Variants in COG6 observed in about 807,000 individuals in gnomAD.
The protein encoded by COG6 is component of oligomeric golgi complex 6, also known as conserved oligomeric Golgi complex subunit 6.
Under a neutral mutation model 88.8 loss-of-function variants are expected in COG6, and 74 were observed. The ratio of observed to expected loss-of-function variants is 0.83; its 90% CI spans 0.69 to 1.01. The LOEUF is 1.01. Among genes scored for constraint, COG6 ranks in the 50% least tolerant of loss-of-function variants. COG6 has a pLI of 0.00. For synonymous variants in COG6, 286 were observed against 278.7 expected, an observed-to-expected ratio of 1.03 and a Z score of -0.26; for missense variants, 800 against 797.9, an observed-to-expected ratio of 1.00 and a Z score of -0.03.
chr13:39,770,514 G>A (rs566507326), intron 18 of COG6, among the ~76,000 whole-genome samples: 7 of 152,284 alleles, frequency 4.6e-5, no homozygotes, highest in African/African-American at 1.7e-4. Flanking sequence ...CTGAAGCCCA[G>A]GTCTTCTGTC....
intron 4 of COG6, 132 bp downstream of exon 4, chr13:39,665,286 A>G (rs1566170180): frequency 6.3e-6 from 4 of 630,820 alleles, no homozygotes; most frequent in Non-Finnish European, 1.1e-5. Context: ...AAACTATTAT[A>G]TTACCCAATA....
At chr13:39,721,848 C>T (rs1300782898) in intron 15 of COG6, among the ~76,000 whole-genome samples, 1 of 151,970 alleles carries the variant, frequency 6.6e-6, no homozygotes, top group Non-Finnish European at 1.5e-5. Context: ...GTAATCTAGT[C>T]CCTTCATCTG....
chr13:39,703,986 A>G (rs1441974461), intron 13 of COG6, among the ~76,000 whole-genome samples: 1 of 151,660 alleles, frequency 6.6e-6, no homozygotes, highest in Non-Finnish European at 1.5e-5. Flanking sequence ...CTCCTGCCTC[A>G]GCCTCCCAAA....
intron 18 of COG6, among the ~76,000 whole-genome samples, chr13:39,786,688 A>C (rs1221726879): frequency 6.6e-6 from 1 of 152,156 alleles, no homozygotes; most frequent in African/African-American, 2.4e-5. Context: ...CCACTCTGTG[A>C]TGTGAATTCT....
intron 8 of COG6, among the ~76,000 whole-genome samples, chr13:39,685,877 T>A (rs1303585379): frequency 6.9e-6 from 1 of 145,886 alleles, no homozygotes; most frequent in East Asian, 2.0e-4. Context: ...TTCTGTAGTA[T>A]GTCACCACAG....
chr13:39,679,324 A>G (rs1566176190), intron 5 of COG6: 2 of 547,420 alleles, frequency 3.7e-6, no homozygotes, highest in Non-Finnish European at 3.3e-6. Flanking sequence ...TTTGGCACAT[A>G]GTAGAAACTG....
At chr13:39,735,477 T>C (rs1290923792) in intron 18 of COG6, among the ~76,000 whole-genome samples, 1 of 152,170 alleles carries the variant, frequency 6.6e-6, no homozygotes, top group East Asian at 1.9e-4. Context: ...GAAATGTTAC[T>C]GTAGTTATTT....
At chr13:39,679,302 C>A in intron 5 of COG6, 1 of 489,124 alleles carries the variant, frequency 2.0e-6, no homozygotes, top group Non-Finnish European at 3.7e-6. Context: ...TTCCTGGCAA[C>A]TGTCAACACT....
At chr13:39,677,300 ATG>A (rs1876030110) in intron 4 of COG6, among the ~76,000 whole-genome samples, 166 bp from the exon 5 acceptor site, 1 of 152,192 alleles carries the variant, frequency 6.6e-6, no homozygotes. Flanking sequence ...TATCACCTAC[ATG>A]TCTGATAAAA....
rs528710403 is a variant in COG6 at position 39,734,613 on chromosome 13, C to T, written c.1826+7065C>T. ...ATACTCTACAAATATTGATTAGGTG[C>T]ATTTGGTCTGTAGTGCAGATTAAGT... On this transcript the variant is annotated intron_variant, in intron 18 of 18. Coordinates refer to ENST00000455146, the MANE Select transcript of COG6 (RefSeq NM_020751.3). Among the ~76,000 whole-genome samples, 177 of 152,222 alleles carry T rather than the reference C, an allele frequency of 1.2e-3. 1 individual carries two copies. Among genetic ancestry groups the T allele is most frequent in the African/African-American group, 4.1e-3 (169 of 41,550 alleles).
rs45508796 is a variant in COG6 at position 39,655,898 on chromosome 13, G to A, written c.153+19G>A. Reference sequence around the variant, plus strand: ...CGACAAGGTAACCGGGGCTGGCGGGGCCGGAGTCACAGGTTCCTGCGGGGC... The same window carrying A: ...CGACAAGGTAACCGGGGCTGGCGGGACCGGAGTCACAGGTTCCTGCGGGGC... On this transcript the variant is annotated intron_variant, in intron 1 of 18. Coordinates refer to ENST00000455146, the MANE Select transcript of COG6 (RefSeq NM_020751.3). 7.0e-3 allele frequency: 11,212 copies of A among 1,600,750 alleles called. 49 individuals are homozygous for A. Among genetic ancestry groups the A allele is most frequent in the Non-Finnish European group, 8.6e-3 (10,107 of 1,175,006 alleles).
intron 12 of COG6, 38 bp from the exon 13 acceptor site, chr13:39,699,463 G>C: frequency 1.0e-6 from 1 of 973,240 alleles, no homozygotes; most frequent in Non-Finnish European, 1.7e-6. Context: ...TTTTGTTTCA[G>C]TTTCTGTTTT....
At chr13:39,658,596 A>G (rs1404931934) in intron 1 of COG6, among the ~76,000 whole-genome samples, 5 of 152,184 alleles carry the variant, frequency 3.3e-5, no homozygotes, top group Non-Finnish European at 7.3e-5. Context: ...AAACTTTTAT[A>G]AATATAAATC....
intron 7 of COG6, 116 bp from the exon 8 acceptor site, chr13:39,682,055 C>T: frequency 1.4e-6 from 1 of 734,080 alleles, no homozygotes; most frequent in South Asian, 1.6e-5. Flanking sequence ...CTAGGTTTTT[C>T]TGAGGATTTT....
intron 18 of COG6, among the ~76,000 whole-genome samples, chr13:39,758,136 C>T (rs963129941): frequency 5.4e-5 from 8 of 147,618 alleles, no homozygotes; most frequent in East Asian, 4.0e-4. Flanking sequence ...AGGAGAATCA[C>T]TTGAACCTGG....
chr13:39,672,582 CT>C (rs955337306), intron 4 of COG6, among the ~76,000 whole-genome samples: 5 of 151,976 alleles, frequency 3.3e-5, no homozygotes, highest in Non-Finnish European at 7.4e-5. Flanking sequence ...TTACTTTAAC[CT>C]TTTTTATGGC....
intron 13 of COG6, among the ~76,000 whole-genome samples, chr13:39,707,132 C>CTT (rs1210881927): frequency 3.5e-5 from 5 of 142,364 alleles, no homozygotes; most frequent in Admixed American, 7.0e-5. Flanking sequence ...AATGAGCTCA[C>CTT]TTTTTTTTTT....
At chr13:39,759,148 G>A (rs1230485996) in intron 18 of COG6, among the ~76,000 whole-genome samples, 1 of 152,118 alleles carries the variant, frequency 6.6e-6, no homozygotes, top group Admixed American at 6.5e-5. Context: ...CAGTGATGAT[G>A]ATTGCACAGC....
chr13:39,773,143 A>G (rs1593484527), intron 18 of COG6, among the ~76,000 whole-genome samples: 1 of 152,118 alleles, frequency 6.6e-6, no homozygotes, highest in Non-Finnish European at 1.5e-5. Context: ...CCTTCCCTCC[A>G]TCCTAATGCC....
Sources: gnomAD v4.1 joint callset for allele counts (sites outside exome capture counted in the v4.1 genomes callset) on GRCh38, gnomAD v4.1.1 for gene constraint, MANE v1.5 for transcripts, NCBI Gene and HGNC (gene_info 2026-07-23, HGNC 2026-07-21) for gene names.